Variants in CBR4 observed in about 807,000 individuals in gnomAD.
The protein encoded by CBR4 is 3-oxoacyl-[acyl-carrier-protein] reductase.
A neutral mutation model predicts 21.0 loss-of-function variants in CBR4; 22 were observed. The ratio of observed to expected loss-of-function variants is 1.05; its 90% CI spans 0.75 to 1.50. The LOEUF (loss-of-function observed/expected upper bound fraction) is 1.50. Among genes scored for constraint, CBR4 ranks in the 40% most tolerant of loss-of-function variants. The probability of loss-of-function intolerance (pLI) is 0.00; values close to 1 mark genes in which losing one functional copy is unlikely to be tolerated. For missense variants in CBR4, 302 were observed against 286.3 expected, an observed-to-expected ratio of 1.05 and a Z score of -0.40; for synonymous variants, 100 against 104.4, an observed-to-expected ratio of 0.96 and a Z score of 0.26.
At chr4:168,911,442 A>G (rs995796795) in intron 2 of CBR4, among the ~76,000 whole-genome samples, 5 of 152,224 alleles carry the variant, frequency 3.3e-5, no homozygotes, top group Non-Finnish European at 5.9e-5. Context: ...AAAGCACATA[A>G]TAAGGAAGCC....
chr4:168,898,402 TG>T, intron 2 of CBR4: 1 of 810,702 alleles, frequency 1.2e-6, no homozygotes, highest in East Asian at 2.6e-5. Flanking sequence ...AAAATATCAC[TG>T]TCTTCTAGGG....
intron 2 of CBR4, chr4:168,915,995 C>G: frequency 1.2e-6 from 2 of 1,613,924 alleles, no homozygotes; most frequent in Non-Finnish European, 1.7e-6. Context: ...TCTGACTGTT[C>G]AAGAAGGAAA....
chr4:168,983,072 C>G (rs1764588916), downstream of CBR4, among the ~76,000 whole-genome samples: 1 of 151,956 alleles, frequency 6.6e-6, no homozygotes, highest in African/African-American at 2.4e-5. Context: ...AAAATCAGAG[C>G]TGAACTGAAT....
intron 2 of CBR4, among the ~76,000 whole-genome samples, chr4:168,934,993 C>T (rs985190724): frequency 1.3e-5 from 2 of 152,154 alleles, no homozygotes; most frequent in Non-Finnish European, 1.5e-5. Flanking sequence ...CGAAGATGGC[C>T]AAATGGGAAC....
At chr4:168,935,042 G>A (rs768587149) in intron 2 of CBR4, among the ~76,000 whole-genome samples, 15 of 152,224 alleles carry the variant, frequency 9.9e-5, no homozygotes, top group Non-Finnish European at 1.9e-4. Context: ...CAATGCAGAA[G>A]GCAGGTGATT....
In CBR4 at chr4:169,006,893, T is replaced by A; in HGVS notation, c.264-2A>T. ...TTTGTTCTTACTAAAAGACCATCCC[T>A]ACAAAAAGAAACAGCATATAATAGC... On this transcript the variant is annotated splice_acceptor_variant, in intron 2 of 4. Coordinates refer to ENST00000306193, the MANE Select transcript of CBR4 (RefSeq NM_032783.5). LOFTEE classifies it high-confidence loss of function. 1 of 1,609,738 alleles carries A rather than the reference T, an allele frequency of 6.2e-7. No individual in the cohort carries two copies. Among genetic ancestry groups the A allele is most frequent in the African/African-American group, 1.3e-5 (1 of 74,870 alleles).
At chr4:168,958,707 T>G (rs1302928334) in intron 2 of CBR4, among the ~76,000 whole-genome samples, 1 of 152,208 alleles carries the variant, frequency 6.6e-6, no homozygotes, top group Non-Finnish European at 1.5e-5. Flanking sequence ...ATATCCCCAA[T>G]TGGTATTGTC....
At chr4:168,939,492 G>A (rs770112206) in intron 2 of CBR4, among the ~76,000 whole-genome samples, 2 of 152,116 alleles carry the variant, frequency 1.3e-5, no homozygotes, top group African/African-American at 2.4e-5. Context: ...CAAATAGGAA[G>A]AGAGGAAGTC....
chr4:168,923,985 G>A (rs1361713760), intron 2 of CBR4, among the ~76,000 whole-genome samples: 1 of 152,186 alleles, frequency 6.6e-6, no homozygotes, highest in Non-Finnish European at 1.5e-5. Flanking sequence ...CCCACAGCTG[G>A]TCAGACAGGC....
At chr4:168,905,436 C>T (rs921509560) in intron 2 of CBR4, among the ~76,000 whole-genome samples, 1 of 151,864 alleles carries the variant, frequency 6.6e-6, no homozygotes, top group South Asian at 2.1e-4. Flanking sequence ...GTGTGAGGCA[C>T]TGCACCCGGC....
At chr4:168,971,680 A>T (rs1166961743) in intron 2 of CBR4, among the ~76,000 whole-genome samples, 1 of 152,104 alleles carries the variant, frequency 6.6e-6, no homozygotes, top group African/African-American at 2.4e-5. Flanking sequence ...GAGTTCCTGT[A>T]GATTCTAAAT....
At chr4:169,004,715 T>A (rs1730756100) in intron 3 of CBR4, among the ~76,000 whole-genome samples, 9 of 152,192 alleles carry the variant, frequency 5.9e-5, no homozygotes, top group Admixed American at 5.9e-4. Flanking sequence ...AGCTACAATA[T>A]CTGCGAGACA....
At chr4:168,910,148 C>A (rs1003530796) in intron 2 of CBR4, among the ~76,000 whole-genome samples, 3 of 151,114 alleles carry the variant, frequency 2.0e-5, no homozygotes, top group African/African-American at 7.3e-5. Context: ...TGGTTCTAAG[C>A]AGTAGCAGCA....
At chr4:168,978,983 C>G (rs1255770618) in intron 2 of CBR4, among the ~76,000 whole-genome samples, 2 of 151,814 alleles carry the variant, frequency 1.3e-5, no homozygotes, top group East Asian at 3.9e-4. Flanking sequence ...GCTGCACAGC[C>G]CCCACCCCAA....
intron 2 of CBR4, among the ~76,000 whole-genome samples, chr4:168,981,936 C>T (rs887878860): frequency 2.6e-5 from 4 of 152,154 alleles, no homozygotes; most frequent in African/African-American, 9.7e-5. Context: ...AAATGAAAGA[C>T]CATTACTGAT....
chr4:168,914,131 A>G, intron 2 of CBR4: 1 of 761,496 alleles, frequency 1.3e-6, no homozygotes, highest in Non-Finnish European at 2.3e-6. Flanking sequence ...ACTGGAAGAT[A>G]GAATAGGAAT....
intron 2 of CBR4, among the ~76,000 whole-genome samples, chr4:168,895,890 ATAAGTTGAAAATATTG>A (rs1261152219): frequency 6.6e-6 from 1 of 152,200 alleles, no homozygotes; most frequent in East Asian, 1.9e-4. Context: ...TAAACTCATT[ATAAGTTGAAAATATTG>A]TAAGTTGAAA....
intron 2 of CBR4, chr4:168,896,473 A>C (rs1216965226): frequency 1.1e-6 from 1 of 888,960 alleles, no homozygotes; most frequent in East Asian, 2.6e-5. Flanking sequence ...AGTTTCACTT[A>C]AGGAAAATTA....
At chr4:168,961,928 A>AAGAGGAGAGCACAGG (rs1208270685) in intron 2 of CBR4, among the ~76,000 whole-genome samples, 1 of 136,666 alleles carries the variant, frequency 7.3e-6, no homozygotes, top group African/African-American at 2.7e-5. Flanking sequence ...AGGGGAGAAC[A>AAGAGGAGAGCACAGG]AGAGGAGAGC....
Sources: gnomAD v4.1 joint callset for allele counts (sites outside exome capture counted in the v4.1 genomes callset) on GRCh38, gnomAD v4.1.1 for gene constraint, MANE v1.5 for transcripts, NCBI Gene and HGNC (gene_info 2026-07-23, HGNC 2026-07-21) for gene names.